Variants in TOX observed in about 807,000 individuals in gnomAD.
TOX encodes thymocyte selection associated high mobility group box.
In TOX, 11 loss-of-function variants were observed where a neutral mutation model predicts 53.7. That is an observed-to-expected ratio of 0.20 (90% CI 0.13 to 0.34). The LOEUF is 0.34. Among genes scored for constraint, TOX ranks in the 10% least tolerant of loss-of-function variants. The pLI, the probability that TOX is intolerant of heterozygous loss-of-function variation, is 1.00. For missense variants in TOX, 570 were observed against 664.6 expected, an observed-to-expected ratio of 0.86 and a Z score of 1.56; for synonymous variants, 225 against 245.3, an observed-to-expected ratio of 0.92 and a Z score of 0.77.
intron 2 of TOX, among the ~76,000 whole-genome samples, chr8:58,940,026 A>C (rs1306450264): frequency 6.6e-6 from 1 of 152,250 alleles, no homozygotes; most frequent in Non-Finnish European, 1.5e-5. Flanking sequence ...TTGACAAAAG[A>C]AAATGTCGTA....
intron 1 of TOX, among the ~76,000 whole-genome samples, chr8:59,068,512 T>G (rs114202774): frequency 0.014 from 2,060 of 151,694 alleles, 36 homozygotes; most frequent in African/African-American, 0.047. Context: ...CGGAAAAAAG[T>G]AAAAAAAGAG....
chr8:58,924,404 C>A (rs190144237), intron 3 of TOX, among the ~76,000 whole-genome samples: 45 of 152,352 alleles, frequency 3.0e-4, no homozygotes, highest in Non-Finnish European at 6.3e-4. Flanking sequence ...CACAAATACT[C>A]ACTCGAAGAT....
intron 1 of TOX, among the ~76,000 whole-genome samples, chr8:59,115,710 C>G (rs1309258337): frequency 2.6e-5 from 4 of 152,164 alleles, no homozygotes; most frequent in Non-Finnish European, 5.9e-5. Context: ...ACTGCTATTT[C>G]CAACACTGAC....
intron 3 of TOX, among the ~76,000 whole-genome samples, chr8:58,857,305 A>G (rs1810932505): frequency 6.6e-6 from 1 of 152,120 alleles, no homozygotes; most frequent in South Asian, 2.1e-4. Context: ...AGCCTAATGA[A>G]CTTCATATTT....
At chr8:59,077,715 A>G (rs1036562876) in intron 1 of TOX, among the ~76,000 whole-genome samples, 7 of 152,186 alleles carry the variant, frequency 4.6e-5, no homozygotes, top group South Asian at 2.1e-4. Flanking sequence ...TTTTATTTAC[A>G]TGGTTGATAC....
intron 1 of TOX, among the ~76,000 whole-genome samples, chr8:59,050,980 C>T (rs1267730193): frequency 6.6e-6 from 1 of 152,100 alleles, no homozygotes; most frequent in Non-Finnish European, 1.5e-5. Context: ...ATGCTAGAAA[C>T]TGGTCATATG....
intron 1 of TOX, among the ~76,000 whole-genome samples, chr8:59,064,842 A>G (rs951892571): frequency 6.6e-6 from 1 of 152,160 alleles, no homozygotes; most frequent in Non-Finnish European, 1.5e-5. Flanking sequence ...AATTTAGCAT[A>G]TTTTAAATAG....
In TOX at chr8:59,118,992, C is replaced by G; in HGVS notation, c.-5G>C. ...TGGATAAAATCTTACGTCCATTTCA[C>G]TCTCACATCAAGCAACTCCTTTTCT... is the stretch of plus-strand genomic sequence containing the variant. On this transcript the variant is annotated 5_prime_UTR_variant, in exon 1 of 9. Coordinates refer to ENST00000361421, the MANE Select transcript of TOX (RefSeq NM_014729.3). The surrounding 1 kb of genome is among the most constrained non-coding windows in gnomAD (Gnocchi z 4.1). 1 of 1,591,810 alleles carries G rather than the reference C, an allele frequency of 6.3e-7. No homozygotes were observed. The highest frequency in any genetic ancestry group is 8.6e-7 in the Non-Finnish European group (1 of 1,164,190).
intron 3 of TOX, among the ~76,000 whole-genome samples, chr8:58,926,644 C>A (rs1585905199): frequency 6.6e-6 from 1 of 152,154 alleles, no homozygotes; most frequent in Admixed American, 6.5e-5. Flanking sequence ...AATTTTTCCT[C>A]CTTTTATTTA....
At chr8:58,872,991 T>G (rs919759498) in intron 3 of TOX, among the ~76,000 whole-genome samples, 2 of 152,134 alleles carry the variant, frequency 1.3e-5, no homozygotes, top group African/African-American at 4.8e-5. Context: ...TTTCACAATA[T>G]TTTTTTAAAT....
chr8:58,986,865 G>A (rs4738748), intron 1 of TOX, among the ~76,000 whole-genome samples: 147,116 of 152,202 alleles, frequency 0.97, 71,135 homozygotes, highest in East Asian at 1. Flanking sequence ...GGCTGAATAA[G>A]AAAAAAGAGA....
At chr8:59,021,108 CAAAA>C (rs35493437) in intron 1 of TOX, among the ~76,000 whole-genome samples, 2 of 92,012 alleles carry the variant, frequency 2.2e-5, no homozygotes, top group African/African-American at 4.4e-5. Flanking sequence ...GACCCTGTCT[CAAAA>C]AAAAAAAAAA....
chr8:58,838,509 A>T (rs1270562262), intron 4 of TOX, among the ~76,000 whole-genome samples, 198 bp from the exon 5 acceptor site: 1 of 151,204 alleles, frequency 6.6e-6, no homozygotes, highest in Non-Finnish European at 1.5e-5. Flanking sequence ...TATTCATCCT[A>T]CTCCCAACTT....
At chr8:58,958,849 C>G (rs1812752304) in intron 2 of TOX, among the ~76,000 whole-genome samples, 1 of 152,154 alleles carries the variant, frequency 6.6e-6, no homozygotes, top group Admixed American at 6.5e-5. Flanking sequence ...CAGGGAGATG[C>G]AGGCCTGCCT....
intron 1 of TOX, among the ~76,000 whole-genome samples, chr8:58,986,577 T>C (rs1165954786): frequency 6.6e-6 from 1 of 152,184 alleles, no homozygotes; most frequent in Non-Finnish European, 1.5e-5. Context: ...ACCCAGACAT[T>C]GAAATGTATA....
intron 1 of TOX, among the ~76,000 whole-genome samples, chr8:59,059,026 C>T (rs934149785): frequency 6.6e-6 from 1 of 152,120 alleles, no homozygotes; most frequent in Non-Finnish European, 1.5e-5. Context: ...ACAGTAAAGT[C>T]TTCTTCAAGA....
At chr8:58,823,321 T>A (rs1810312425) in intron 6 of TOX, among the ~76,000 whole-genome samples, 1 of 152,136 alleles carries the variant, frequency 6.6e-6, no homozygotes, top group Admixed American at 6.6e-5. Flanking sequence ...CCTCACGGGT[T>A]CAAGTGATTC....
chr8:58,987,101 G>A (rs368807447), intron 1 of TOX, among the ~76,000 whole-genome samples: 22 of 152,226 alleles, frequency 1.4e-4, no homozygotes, highest in Admixed American at 1.4e-3. Flanking sequence ...GTTTTCTTTA[G>A]CAATGAGACT....
rs1035744840 is a variant in TOX at position 58,807,325 on chromosome 8, T to C, written c.*422A>G. The C allele has an allele frequency of 1.2e-5, 2 of 170,624 alleles. No individual in the cohort carries two copies. The highest frequency in any genetic ancestry group is 1.5e-4 in the South Asian group (1 of 6,632). 10.6% of individuals were successfully genotyped at this position (170,624 alleles called of 1,614,324 possible). A position where few individuals can be genotyped will look rare whatever the true frequency, so the allele number is the denominator to read the frequency against. ...TTTTATACTCTAGGAGAGTGTAACA[T>C]AGATGCTATTTACAAACTTGCTATG... On this transcript the variant is annotated 3_prime_UTR_variant, in exon 9 of 9. Coordinates refer to ENST00000361421, the MANE Select transcript of TOX (RefSeq NM_014729.3).
Sources: allele counts gnomAD v4.1 joint callset (sites outside exome capture counted in the v4.1 genomes callset), GRCh38; gene constraint gnomAD v4.1.1; non-coding constraint Gnocchi (gnomAD v3.1); transcripts MANE v1.5; gene names NCBI Gene and HGNC (gene_info 2026-07-23, HGNC 2026-07-21).